Variants in NFXL1 observed in about 807,000 individuals in gnomAD.
NFXL1 encodes NF-X1-type zinc finger protein NFXL1.
A neutral mutation model predicts 123.3 loss-of-function variants in NFXL1; 66 were observed. The ratio of observed to expected loss-of-function variants is 0.54; its 90% CI spans 0.44 to 0.66. NFXL1 has a LOEUF of 0.66. Among genes scored for constraint, NFXL1 ranks in the 30% least tolerant of loss-of-function variants. NFXL1 has a pLI of 0.00. For missense variants in NFXL1, 944 were observed against 1,125.6 expected (o/e 0.84, Z 2.31); for synonymous variants, 346 against 360.8 (o/e 0.96, Z 0.46).
chr4:47,913,882 A>G, intron 2 of NFXL1, 87 bp downstream of exon 2: 1 of 878,038 alleles, frequency 1.1e-6, no homozygotes, highest in Non-Finnish European at 1.7e-6. Context: ...AAGCAGTGAA[A>G]GAAAGAAGGC....
At chr4:47,877,954 T>C (rs1047889394) in intron 17 of NFXL1, among the ~76,000 whole-genome samples, 2 of 152,050 alleles carry the variant, frequency 1.3e-5, no homozygotes, top group African/African-American at 4.8e-5. Context: ...TGTTTTTCCT[T>C]GTAAGATGAC....
chr4:47,859,455 G>T lies in NFXL1; in HGVS notation c.2316+3391C>A, dbSNP rs151260815. ...AGTGCCCCATTTTATATATGAATAA[G>T]TTCAGTTACACAGAAGTTAAATAAT... On this transcript the variant is annotated intron_variant, in intron 19 of 22. Transcript: ENST00000507489. 2.7e-3 allele frequency among the ~76,000 whole-genome samples: 405 copies of T among 152,276 alleles called. 2 individuals carry two copies. Among genetic ancestry groups the T allele is most frequent in the African/African-American group, 9.0e-3 (376 of 41,564 alleles).
intron 5 of NFXL1, among the ~76,000 whole-genome samples, chr4:47,900,997 T>G (rs1737333291): frequency 6.6e-6 from 1 of 152,178 alleles, no homozygotes; most frequent in Non-Finnish European, 1.5e-5. Flanking sequence ...TTAATAAGCG[T>G]GGGTATGGAT....
In NFXL1 at chr4:47,899,134, A is replaced by G. The variant is rs201422079; in HGVS notation, c.827-14T>C. 131 of 1,379,560 alleles carry G rather than the reference A, an allele frequency of 9.5e-5. No individual in the cohort carries two copies. Among genetic ancestry groups the G allele is most frequent in the South Asian group, 1.7e-4 (12 of 70,104 alleles). The allele number at this position is 1,379,560 out of a possible 1,614,324, so 85.5% of individuals were successfully genotyped here. The stretch of plus-strand genomic sequence containing the variant: ...GAGGGCAGGGACCTAGAATTCAGTA[A>G]AAGCAAAAAAAAAAAAAAAAAAAAA... On this transcript the variant is annotated splice_polypyrimidine_tract_variant and intron_variant, in intron 6 of 22. Transcript: ENST00000507489.
intron 19 of NFXL1, among the ~76,000 whole-genome samples, chr4:47,858,127 C>T (rs943261645): frequency 4.6e-5 from 7 of 152,124 alleles, no homozygotes; most frequent in African/African-American, 1.7e-4. Context: ...ATCCTGAAAA[C>T]GTATTCAAAC....
chr4:47,895,909 A>G (rs1737056926), intron 10 of NFXL1, among the ~76,000 whole-genome samples: 1 of 151,834 alleles, frequency 6.6e-6, no homozygotes, highest in Non-Finnish European at 1.5e-5. Context: ...GAAATGTGTG[A>G]CTCTTCCTTT....
intron 18 of NFXL1, among the ~76,000 whole-genome samples, chr4:47,871,226 G>A (rs1343338380): frequency 2.6e-5 from 4 of 152,004 alleles, no homozygotes; most frequent in African/African-American, 4.8e-5. Flanking sequence ...GGTGGCAGGC[G>A]CCTGTAGTCC....
At chr4:47,850,841 GGAT>G (rs1056414453) in intron 22 of NFXL1, among the ~76,000 whole-genome samples, 1 of 151,938 alleles carries the variant, frequency 6.6e-6, no homozygotes, top group Non-Finnish European at 1.5e-5. Context: ...GCTGAAGTAT[GGAT>G]GATATTGGCA....
chr4:47,868,287 C>G (rs911781681), intron 18 of NFXL1, among the ~76,000 whole-genome samples: 5 of 150,958 alleles, frequency 3.3e-5, no homozygotes, highest in Admixed American at 2.0e-4. Flanking sequence ...CCATTGCACT[C>G]CAGCCTGGGT....
intron 11 of NFXL1, among the ~76,000 whole-genome samples, chr4:47,892,786 C>A (rs73143968): frequency 0.03 from 4,543 of 152,100 alleles, 249 homozygotes; most frequent in African/African-American, 0.1. Flanking sequence ...ACAAAAAGAA[C>A]CAGCACCCAA....
intron 19 of NFXL1, among the ~76,000 whole-genome samples, chr4:47,862,573 G>A (rs190191280): frequency 3.9e-4 from 60 of 152,178 alleles, no homozygotes; most frequent in Non-Finnish European, 6.6e-4. Context: ...CACATTTTGA[G>A]GGATAAGCAC....
At position 47,878,528 on chromosome 4, in the gene NFXL1, G is replaced by C. The variant is rs755494951; in HGVS notation, c.2076C>G (p.Asn692Lys). 1.9e-6 allele frequency: 3 copies of C among 1,571,174 alleles called. No homozygotes were observed. Among genetic ancestry groups the C allele is most frequent in the Admixed American group, 1.9e-5 (1 of 52,998 alleles). Residue 692 changes from asparagine to lysine, a missense_variant, in exon 17 of 23, where the codon AAC (asparagine) becomes AAG (lysine). By Grantham distance (94) the Asn-to-Lys change is moderately conservative. This residue lies in a region of NFXL1 where 301 missense variants were observed against 348.0 expected (regional missense o/e 0.86). Coordinates refer to ENST00000507489, the MANE Select transcript of NFXL1 (RefSeq NM_001278624.2). The part of the protein sequence containing the change: ...VTKTDGCTGK[N>K]KAGPECLHCE... ...ACATTCAATCTAAGAACATTACCTT[G>C]TTTTTTCCAGTGCAGCCATCAGTTT...
chr4:47,872,604 G>A (rs935746122), intron 18 of NFXL1, among the ~76,000 whole-genome samples: 4 of 152,008 alleles, frequency 2.6e-5, no homozygotes, highest in Non-Finnish European at 5.9e-5. Flanking sequence ...TGGCTTCCCA[G>A]TGCATATAAA....
intron 19 of NFXL1, among the ~76,000 whole-genome samples, chr4:47,858,179 T>C (rs1169060331): frequency 6.6e-6 from 1 of 152,096 alleles, no homozygotes; most frequent in African/African-American, 2.4e-5. Flanking sequence ...CACAATGAGA[T>C]GCAAAAAGAC....
intron 12 of NFXL1, among the ~76,000 whole-genome samples, 153 bp from the exon 13 acceptor site, chr4:47,886,152 A>G (rs528527037): frequency 2.0e-5 from 3 of 152,348 alleles, no homozygotes; most frequent in South Asian, 4.1e-4. Flanking sequence ...ACCACAAAAC[A>G]TTGAGCCAGA....
intron 3 of NFXL1, among the ~76,000 whole-genome samples, chr4:47,908,416 T>C (rs1479009578): frequency 1.4e-5 from 1 of 69,424 alleles, no homozygotes; most frequent in Non-Finnish European, 2.8e-5. Context: ...AGAAGAAGAC[T>C]GTCTCCAAAA....
chr4:47,849,439 A>C (rs1208493495), intron 22 of NFXL1, among the ~76,000 whole-genome samples: 1 of 152,138 alleles, frequency 6.6e-6, no homozygotes, highest in Non-Finnish European at 1.5e-5. Context: ...TATCCACCTA[A>C]AACTTTGTAA....
rs1735234671 is a variant in NFXL1, at chr4:47,868,426, TGAGAA to T, written c.2247-5516_2247-5512del. 3.0e-5 allele frequency among the ~76,000 whole-genome samples: 4 copies of T among 135,236 alleles called. 1 individual carries two copies. The highest frequency in any genetic ancestry group is 7.9e-5 in the Admixed American group (1 of 12,708). The allele number at this position is 135,236 out of a possible 152,430, so 88.7% of individuals were successfully genotyped here. A position where few individuals can be genotyped will look rare whatever the true frequency, so the allele number is the denominator to read the frequency against. On this transcript the variant is annotated intron_variant, in intron 18 of 22. Coordinates refer to ENST00000507489, the MANE Select transcript of NFXL1 (RefSeq NM_001278624.2). Reference sequence around the variant, plus strand: ...AAGAATAAAACATGCAACTAAACAATGAGAAGAGAAGGAGAGAAAAAAAGGCAAAC... The same window carrying T: ...AAGAATAAAACATGCAACTAAACAATGAGAAGGAGAGAAAAAAAGGCAAAC...
At chr4:47,895,778 C>G (rs1737050413) in intron 10 of NFXL1, among the ~76,000 whole-genome samples, 1 of 152,212 alleles carries the variant, frequency 6.6e-6, no homozygotes, top group Admixed American at 6.5e-5. Context: ...TAATTTCCTT[C>G]AGGAACTTTT....
Sources: allele counts gnomAD v4.1 joint callset (sites outside exome capture counted in the v4.1 genomes callset), GRCh38; gene constraint gnomAD v4.1.1; regional missense constraint gnomAD v4.1.1; transcripts MANE v1.5; gene names NCBI Gene and HGNC (gene_info 2026-07-23, HGNC 2026-07-21).